Variants in PPFIA2 observed in about 807,000 individuals in gnomAD.
PPFIA2 encodes the protein liprin-alpha-2.
In PPFIA2, 46 loss-of-function variants were observed where a neutral mutation model predicts 175.5. The ratio of observed to expected loss-of-function variants is 0.26; its 90% CI spans 0.21 to 0.34. PPFIA2 has a LOEUF of 0.34. Ranked by LOEUF, PPFIA2 falls within the 10% of genes least tolerant of loss-of-function variation. The pLI is 1.00. For missense variants in PPFIA2, 1,179 were observed against 1,506.1 expected, an observed-to-expected ratio of 0.78 and a Z score of 3.60; for synonymous variants, 568 against 511.4, an observed-to-expected ratio of 1.11 and a Z score of -1.49.
intron 4 of PPFIA2, among the ~76,000 whole-genome samples, chr12:81,555,172 G>A (rs1177890874): frequency 2.0e-5 from 3 of 151,884 alleles, no homozygotes; most frequent in Admixed American, 2.0e-4. Flanking sequence ...TAAGAAATCT[G>A]TAAACACACA....
chr12:81,467,765 C>A (rs1019581487), intron 4 of PPFIA2, among the ~76,000 whole-genome samples: 10 of 152,234 alleles, frequency 6.6e-5, no homozygotes, highest in Admixed American at 2.6e-4. Flanking sequence ...TTTTAATGAA[C>A]CCTTGCATTG....
At chr12:81,418,541 C>T (rs1456481570) in intron 7 of PPFIA2, among the ~76,000 whole-genome samples, 3 of 151,876 alleles carry the variant, frequency 2.0e-5, no homozygotes, top group Non-Finnish European at 2.9e-5. Context: ...TGGAAAATGG[C>T]CAAACTCATT....
chr12:81,268,381 G>T (rs574514007), intron 28 of PPFIA2, among the ~76,000 whole-genome samples: 50 of 151,578 alleles, frequency 3.3e-4, no homozygotes, highest in Admixed American at 9.2e-4. Context: ...CTCGTGATCC[G>T]CCCGCCTCGG....
chr12:81,553,441 T>C (rs1030154469), intron 4 of PPFIA2, among the ~76,000 whole-genome samples: 9 of 152,078 alleles, frequency 5.9e-5, no homozygotes, highest in Non-Finnish European at 1.5e-5. Flanking sequence ...CTGGACTTCA[T>C]TTCTTTGAAT....
At chr12:81,537,010 T>C (rs2153320811) in intron 4 of PPFIA2, among the ~76,000 whole-genome samples, 1 of 151,598 alleles carries the variant, frequency 6.6e-6, no homozygotes, top group Non-Finnish European at 1.5e-5. Context: ...TATTGATTTA[T>C]TAAGTATATA....
At chr12:81,533,148 G>C (rs559760185) in intron 4 of PPFIA2, among the ~76,000 whole-genome samples, 1 of 151,716 alleles carries the variant, frequency 6.6e-6, no homozygotes, top group African/African-American at 2.4e-5. Context: ...TTAATAAAAT[G>C]AAATGTTTAA....
At chr12:81,526,028 G>T (rs1385701489) in intron 4 of PPFIA2, among the ~76,000 whole-genome samples, 1 of 152,008 alleles carries the variant, frequency 6.6e-6, no homozygotes, top group Non-Finnish European at 1.5e-5. Context: ...CCAGGTCTCA[G>T]GTCTCAATAG....
chr12:81,498,129 T>C (rs1249241593), intron 4 of PPFIA2, among the ~76,000 whole-genome samples: 1 of 152,154 alleles, frequency 6.6e-6, no homozygotes, highest in Non-Finnish European at 1.5e-5. Flanking sequence ...CAAATTTAGT[T>C]TGAAATAATT....
At chr12:81,634,144 T>C (rs1272129791) in intron 4 of PPFIA2, among the ~76,000 whole-genome samples, 2 of 152,114 alleles carry the variant, frequency 1.3e-5, no homozygotes, top group Admixed American at 1.3e-4. Context: ...GTCTGTAACA[T>C]TGCAATAGCA....
At chr12:81,534,968 G>T (rs1278094511) in intron 4 of PPFIA2, among the ~76,000 whole-genome samples, 1 of 151,640 alleles carries the variant, frequency 6.6e-6, no homozygotes, top group Non-Finnish European at 1.5e-5. Flanking sequence ...TACAGTCCCG[G>T]CAAGTTCTAA....
intron 4 of PPFIA2, among the ~76,000 whole-genome samples, chr12:81,480,351 G>C (rs2058059318): frequency 6.6e-6 from 1 of 151,936 alleles, no homozygotes; most frequent in Admixed American, 6.6e-5. Context: ...TATGGGGTTG[G>C]AACATGATGC....
At chr12:81,590,410 A>C (rs192514446) in intron 4 of PPFIA2, among the ~76,000 whole-genome samples, 1 of 152,240 alleles carries the variant, frequency 6.6e-6, no homozygotes, top group African/African-American at 2.4e-5. Context: ...ACCTCATTTG[A>C]TTACAGAGAT....
At chr12:81,479,605 T>G (rs1034191656) in intron 4 of PPFIA2, among the ~76,000 whole-genome samples, 10 of 152,160 alleles carry the variant, frequency 6.6e-5, no homozygotes, top group African/African-American at 2.4e-4. Context: ...CAGGAGCGCT[T>G]GTAAGGCAGG....
At chr12:81,555,924 A>G (rs2068774039) in intron 4 of PPFIA2, among the ~76,000 whole-genome samples, 1 of 151,944 alleles carries the variant, frequency 6.6e-6, no homozygotes, top group Non-Finnish European at 1.5e-5. Context: ...CTTGTCGCCC[A>G]TCAGGATAAT....
chr12:81,502,790 C>A (rs2060723748), intron 4 of PPFIA2, among the ~76,000 whole-genome samples: 1 of 152,140 alleles, frequency 6.6e-6, no homozygotes, highest in African/African-American at 2.4e-5. Flanking sequence ...TTGATAATTT[C>A]TTTCCTTTTA....
chr12:81,355,728 C>A (rs1051677544), intron 16 of PPFIA2, among the ~76,000 whole-genome samples: 1 of 152,158 alleles, frequency 6.6e-6, no homozygotes, highest in Admixed American at 6.5e-5. Context: ...CTGAACAACC[C>A]TCTGCTAGCT....
intron 4 of PPFIA2, among the ~76,000 whole-genome samples, chr12:81,560,081 C>G (rs1302884619): frequency 6.6e-6 from 1 of 152,048 alleles, no homozygotes; most frequent in African/African-American, 2.4e-5. Context: ...TGACGTATAC[C>G]TGTGATCCTG....
At chr12:81,443,774 G>A (rs1481563377) in intron 6 of PPFIA2, among the ~76,000 whole-genome samples, 1 of 147,232 alleles carries the variant, frequency 6.8e-6, no homozygotes, top group African/African-American at 2.5e-5. Context: ...GGGTCCTGCT[G>A]CTTAGAGTAT....
intron 4 of PPFIA2, among the ~76,000 whole-genome samples, chr12:81,648,179 T>C (rs2066458676): frequency 6.6e-6 from 1 of 151,462 alleles, no homozygotes. Context: ...ATTTTCTCAA[T>C]CAATAAAAAG....
Sources: gnomAD v4.1 joint callset for allele counts (sites outside exome capture counted in the v4.1 genomes callset) on GRCh38, gnomAD v4.1.1 for gene constraint, MANE v1.5 for transcripts, NCBI Gene and HGNC (gene_info 2026-07-23, HGNC 2026-07-21) for gene names.